The following MIPOL1 variants were observed in gnomAD, a reference collection of about 807,000 sequenced individuals.
MIPOL1 encodes the protein mirror-image polydactyly 1.
In MIPOL1, 57 loss-of-function variants were observed where a neutral mutation model predicts 60.9. That is an observed-to-expected ratio of 0.94 (90% CI 0.76 to 1.17). The LOEUF is 1.17. Among genes scored for constraint, MIPOL1 ranks in the 50% most tolerant of loss-of-function variants. The pLI is 0.00. For missense variants in MIPOL1, 551 were observed against 511.6 expected, an observed-to-expected ratio of 1.08 and a Z score of -0.74; for synonymous variants, 179 against 168.8, an observed-to-expected ratio of 1.06 and a Z score of -0.47.
chr14:37,446,980 C>T (rs894082753), intron 11 of MIPOL1, among the ~76,000 whole-genome samples: 5 of 151,608 alleles, frequency 3.3e-5, no homozygotes, highest in Admixed American at 6.6e-5. Context: ...TGCTAAATTA[C>T]GAGTTAATGG....
rs1315401330 is a variant in MIPOL1, at chr14:37,308,030, A to G, written c.624-26A>G. 4 of 1,602,414 alleles carry G rather than the reference A, an allele frequency of 2.5e-6. No individual in the cohort carries two copies. The African/African-American group carries it at 5.4e-5, about 22-fold the overall frequency. On this transcript the variant is annotated intron_variant, in intron 7 of 12. Coordinates refer to ENST00000684589, the MANE Select transcript of MIPOL1 (RefSeq NM_001388067.1). ...CTGCACTAAGGAAATGCTACTGATC[A>G]GGCTTTCTGTGTCCCTTTTTTCTAG...
chr14:37,504,783 C>T (rs1029899124), intron 12 of MIPOL1: 1 of 151,920 alleles, frequency 6.6e-6, no homozygotes, highest in African/African-American at 2.4e-5. Flanking sequence ...GATGGAGACG[C>T]AAAAAACCCT....
At chr14:37,203,711 C>G (rs1164959703) in intron 1 of MIPOL1, among the ~76,000 whole-genome samples, 1 of 152,170 alleles carries the variant, frequency 6.6e-6, no homozygotes, top group African/African-American at 2.4e-5. Context: ...AAAAGGCCCA[C>G]CTGTCAAGGA....
At chr14:37,315,132 A>G (rs1156412255) in intron 9 of MIPOL1, among the ~76,000 whole-genome samples, 1 of 152,148 alleles carries the variant, frequency 6.6e-6, no homozygotes, top group Non-Finnish European at 1.5e-5. Context: ...AGGCAGGCCT[A>G]TTTTTCAAGA....
chr14:37,334,710 A>G (rs2089983057), intron 9 of MIPOL1, among the ~76,000 whole-genome samples: 1 of 151,942 alleles, frequency 6.6e-6, no homozygotes. Flanking sequence ...CCAATAATCT[A>G]TCTGTCTATA....
chr14:37,372,764 A>AAAAC (rs1566464489), intron 10 of MIPOL1, among the ~76,000 whole-genome samples: 1 of 151,084 alleles, frequency 6.6e-6, no homozygotes, highest in Non-Finnish European at 1.5e-5. Context: ...CAAAAAAAAA[A>AAAAC]AAAAAAATTG....
chr14:37,209,542 C>T (rs555969267), intron 1 of MIPOL1, among the ~76,000 whole-genome samples: 5 of 152,218 alleles, frequency 3.3e-5, no homozygotes, highest in East Asian at 1.9e-4. Flanking sequence ...CGCCTGTAAT[C>T]CCAGCTACTC....
chr14:37,210,452 T>A (rs1966736431), intron 1 of MIPOL1, among the ~76,000 whole-genome samples: 1 of 152,176 alleles, frequency 6.6e-6, no homozygotes, highest in Admixed American at 6.6e-5. Context: ...CATTGGGTTC[T>A]TCCTGTTCAC....
chr14:37,200,486 T>C lies in MIPOL1; in HGVS notation c.-199+2382T>C, dbSNP rs147858501. Among the ~76,000 whole-genome samples, 646 of 152,296 alleles carry C rather than the reference T, an allele frequency of 4.2e-3. 5 individuals carry two copies. Among genetic ancestry groups the C allele is most frequent in the African/African-American group, 0.014 (601 of 41,566 alleles). On this transcript the variant is annotated intron_variant, in intron 1 of 12. Transcript: ENST00000684589. Reference sequence around the variant, plus strand: ...GGGGAAAACTTTTATAAGGTGTTTATGGAAACAGAAAATATTTGATTGGTA... The same window carrying C: ...GGGGAAAACTTTTATAAGGTGTTTACGGAAACAGAAAATATTTGATTGGTA...
chr14:37,282,605 T>C (rs562969805), intron 6 of MIPOL1, among the ~76,000 whole-genome samples: 1 of 150,934 alleles, frequency 6.6e-6, no homozygotes, highest in East Asian at 2.0e-4. Context: ...TAGGCCAAGG[T>C]GGGAGAATCA....
intron 12 of MIPOL1, among the ~76,000 whole-genome samples, chr14:37,518,669 A>G (rs963861966): frequency 2.0e-5 from 3 of 152,174 alleles, no homozygotes; most frequent in East Asian, 1.9e-4. Context: ...TCTTAGCTCT[A>G]TCCTCTGAAA....
At chr14:37,488,975 A>G (rs2094998682) in intron 11 of MIPOL1, among the ~76,000 whole-genome samples, 1 of 152,088 alleles carries the variant, frequency 6.6e-6, no homozygotes, top group Non-Finnish European at 1.5e-5. Context: ...TTGAATTTGA[A>G]TGTTGGACTG....
chr14:37,279,611 GT>G (rs938306675), intron 6 of MIPOL1, among the ~76,000 whole-genome samples: 39 of 151,758 alleles, frequency 2.6e-4, no homozygotes, highest in East Asian at 7.7e-4. Context: ...GGTTTTGAGG[GT>G]TTTTTTGTTT....
At chr14:37,412,949 A>T (rs898798766) in intron 10 of MIPOL1, among the ~76,000 whole-genome samples, 1 of 152,150 alleles carries the variant, frequency 6.6e-6, no homozygotes, top group Non-Finnish European at 1.5e-5. Flanking sequence ...ATTGATGTAG[A>T]TTTGATAGCA....
chr14:37,425,282 G>T (rs2093942106), intron 11 of MIPOL1, among the ~76,000 whole-genome samples: 1 of 152,152 alleles, frequency 6.6e-6, no homozygotes, highest in Non-Finnish European at 1.5e-5. Context: ...AGCAAACCTT[G>T]ATGCCAGTTC....
intron 11 of MIPOL1, among the ~76,000 whole-genome samples, chr14:37,458,705 G>T (rs2094504673): frequency 6.6e-6 from 1 of 151,736 alleles, no homozygotes; most frequent in Non-Finnish European, 1.5e-5. Context: ...CACACACTTA[G>T]CTGGGCATAG....
At chr14:37,420,770 G>C (rs1393586806) in intron 10 of MIPOL1, among the ~76,000 whole-genome samples, 2 of 152,130 alleles carry the variant, frequency 1.3e-5, no homozygotes, top group Admixed American at 6.6e-5. Flanking sequence ...TCTGAGGCTA[G>C]TGGGATGCAG....
chr14:37,262,040 G>T (rs1293935010), intron 3 of MIPOL1, among the ~76,000 whole-genome samples: 1 of 135,352 alleles, frequency 7.4e-6, no homozygotes, highest in Non-Finnish European at 1.6e-5. Flanking sequence ...ATAATGTTAT[G>T]TGGGGGGAAA....
intron 10 of MIPOL1, among the ~76,000 whole-genome samples, chr14:37,418,947 A>G (rs1479518482): frequency 6.6e-6 from 1 of 152,120 alleles, no homozygotes; most frequent in African/African-American, 2.4e-5. Flanking sequence ...ATATCTATAT[A>G]TAGTGTAAAT....
Sources: allele counts gnomAD v4.1 joint callset (sites outside exome capture counted in the v4.1 genomes callset), GRCh38; gene constraint gnomAD v4.1.1; transcripts MANE v1.5; gene names NCBI Gene and HGNC (gene_info 2026-07-23, HGNC 2026-07-21).